The following UBAP1 variants were observed in gnomAD, a reference collection of about 807,000 sequenced individuals.
The protein encoded by UBAP1 is ubiquitin associated protein 1, also known as ubiquitin-associated protein 1.
In UBAP1, 5 loss-of-function variants were observed where a neutral mutation model predicts 39.0. The ratio of observed to expected loss-of-function variants is 0.13; its 90% CI spans 0.07 to 0.27. UBAP1 has a LOEUF of 0.27. Among genes scored for constraint, UBAP1 ranks in the 10% least tolerant of loss-of-function variants. UBAP1 has a pLI of 1.00. For missense variants in UBAP1, 490 were observed against 608.1 expected, an observed-to-expected ratio of 0.81 and a Z score of 2.04; for synonymous variants, 211 against 225.1, an observed-to-expected ratio of 0.94 and a Z score of 0.56.
At position 34,249,861 on chromosome 9, in the gene UBAP1, C is replaced by A; in HGVS notation, c.1166C>A (p.Ser389Tyr). The A allele has an allele frequency of 3.7e-6, 6 of 1,614,198 alleles. No homozygotes were observed. Among genetic ancestry groups the A allele is most frequent in the Non-Finnish European group, 5.1e-6 (6 of 1,180,034 alleles). ...GCCTATTCTGAACTGCAGATGCTGT[C>A]CCCCAGCGAGCGGCAGTGTGTGGAG... The part of the protein sequence containing the change: ...PQAYSELQML[S>Y]PSERQCVETV... Residue 389 changes from serine (S) to tyrosine (Y), a missense_variant, in exon 5 of 7, where the codon TCC becomes TAC. Ser to Tyr is a moderately radical substitution (Grantham distance 144). Around this residue, in one of 3 missense-constraint regions of UBAP1, gnomAD observed 339 missense variants for 390.0 expected, o/e 0.87. Coordinates refer to ENST00000297661, the MANE Select transcript of UBAP1 (RefSeq NM_016525.5).
At chr9:34,229,398 C>T (rs1001727671) in intron 2 of UBAP1, among the ~76,000 whole-genome samples, 15 of 151,854 alleles carry the variant, frequency 9.9e-5, no homozygotes, top group African/African-American at 3.4e-4. Flanking sequence ...GCTGGGATTA[C>T]AGGCACACAC....
chr9:34,234,300 T>A lies in UBAP1; in HGVS notation c.119T>A (p.Phe40Tyr). ...TPAKVGLPIG[F>Y]SLPDCLQVVR... is the part of the protein sequence containing the mutation. ...GCTAAAGTTGGTCTACCTATTGGCT[T>A]CTCCTTGCCTGATTGTTTGCAGGTT... Residue 40 changes from phenylalanine to tyrosine, a missense_variant, in exon 3 of 7, where the codon TTC becomes TAC. Physicochemically the swap from Phe to Tyr is conservative, Grantham distance 22. Coordinates refer to ENST00000297661, the MANE Select transcript of UBAP1 (RefSeq NM_016525.5). 1 of 1,611,380 alleles carries A rather than the reference T, an allele frequency of 6.2e-7. No individual in the cohort carries two copies. The highest frequency in any genetic ancestry group is 8.5e-7 in the Non-Finnish European group (1 of 1,179,512).
At chr9:34,250,286 A>G (rs1303899433) in intron 5 of UBAP1, among the ~76,000 whole-genome samples, 4 of 152,222 alleles carry the variant, frequency 2.6e-5, no homozygotes, top group Admixed American at 1.3e-4. Context: ...TCATCCTGTC[A>G]TCTATGCCCA....
intron 6 of UBAP1, among the ~76,000 whole-genome samples, chr9:34,251,146 A>G (rs978966650): frequency 4.6e-5 from 7 of 152,222 alleles, no homozygotes; most frequent in Non-Finnish European, 8.8e-5. Context: ...GACAGAGCTC[A>G]GCAACAGTGA....
intron 5 of UBAP1, among the ~76,000 whole-genome samples, 167 bp from the exon 6 acceptor site, chr9:34,250,491 G>A (rs1433503124): frequency 1.3e-5 from 2 of 152,118 alleles, no homozygotes; most frequent in African/African-American, 4.8e-5. Context: ...AGAGTCACTG[G>A]GGTCCTGTTG....
intron 1 of UBAP1, among the ~76,000 whole-genome samples, chr9:34,182,659 CTTTCTTTCTTTCTTTCTT>C (rs1563881144): frequency 1.3e-4 from 7 of 55,292 alleles, no homozygotes; most frequent in South Asian, 9.5e-4. Flanking sequence ...TTCTTTCTTT[CTTTCTTTCTTTCTTTCTT>C]TCTTTCTCTC....
At chr9:34,223,831 C>T (rs900465410) in intron 2 of UBAP1, among the ~76,000 whole-genome samples, 1 of 152,168 alleles carries the variant, frequency 6.6e-6, no homozygotes, top group African/African-American at 2.4e-5. Flanking sequence ...CCTTAGGCTG[C>T]TTCTCCTTTA....
intron 1 of UBAP1, among the ~76,000 whole-genome samples, chr9:34,202,624 C>CCTCTGTGTGTGTGTGTGTGT (rs1491103579): frequency 1.0e-4 from 11 of 107,362 alleles, no homozygotes; most frequent in East Asian, 3.1e-4. Context: ...TAGACAGAAA[C>CCTCTGTGTGTGTGTGTGTGT]GTGTGTGTGT....
intron 1 of UBAP1, among the ~76,000 whole-genome samples, chr9:34,184,895 T>C (rs550876243): frequency 6.6e-6 from 1 of 150,392 alleles, no homozygotes; most frequent in South Asian, 2.1e-4. Flanking sequence ...GTGCTGGGAT[T>C]ACAGGCGTGC....
intron 1 of UBAP1, among the ~76,000 whole-genome samples, chr9:34,184,681 G>A (rs1830288444): frequency 6.7e-6 from 1 of 148,938 alleles, no homozygotes; most frequent in Non-Finnish European, 1.5e-5. Flanking sequence ...GGAGTGCAGT[G>A]GCACAATCTC....
intron 1 of UBAP1, among the ~76,000 whole-genome samples, chr9:34,190,633 C>CA (rs1231865930): frequency 4.6e-5 from 6 of 129,492 alleles, no homozygotes; most frequent in African/African-American, 1.7e-4. Context: ...TTCTTTCTTT[C>CA]TTTTTTTTTT....
intron 1 of UBAP1, among the ~76,000 whole-genome samples, chr9:34,179,442 G>A (rs1357483633): frequency 6.6e-6 from 1 of 152,074 alleles, no homozygotes; most frequent in Non-Finnish European, 1.5e-5. Flanking sequence ...GACCGGAGTT[G>A]AAGGGGCGGA....
intron 1 of UBAP1, among the ~76,000 whole-genome samples, chr9:34,210,858 G>C (rs577837753): frequency 6.9e-4 from 103 of 150,074 alleles, no homozygotes; most frequent in Middle Eastern, 3.4e-3. Context: ...ACACATCGTT[G>C]CTGGTTTGAA....
At chr9:34,232,113 G>C (rs1833454511) in intron 2 of UBAP1, among the ~76,000 whole-genome samples, 1 of 152,106 alleles carries the variant, frequency 6.6e-6, no homozygotes, top group Admixed American at 6.6e-5. Context: ...TCCTGCTTCA[G>C]CCTCCCAAGT....
chr9:34,218,819 C>T (rs1417989395), intron 1 of UBAP1, among the ~76,000 whole-genome samples: 1 of 152,046 alleles, frequency 6.6e-6, no homozygotes, highest in East Asian at 1.9e-4. Flanking sequence ...TCCTGTAATC[C>T]CAGCTACTCA....
intron 2 of UBAP1, chr9:34,224,010 T>G: frequency 4.1e-6 from 2 of 486,118 alleles, no homozygotes; most frequent in Non-Finnish European, 7.5e-6. Flanking sequence ...ACCTTGATTT[T>G]CCTAAGATAG....
intron 1 of UBAP1, among the ~76,000 whole-genome samples, chr9:34,219,759 CCCTCTCCCCTCCCTTCT>C (rs1563905934): frequency 1.7e-5 from 1 of 59,614 alleles, no homozygotes; most frequent in Non-Finnish European, 3.6e-5. Flanking sequence ...CCCTCCCCTC[CCCTCTCCCCTCCCTTCT>C]CCTCTCCCCT....
At chr9:34,210,103 T>A (rs545387123) in intron 1 of UBAP1, among the ~76,000 whole-genome samples, 1 of 152,226 alleles carries the variant, frequency 6.6e-6, no homozygotes, top group Non-Finnish European at 1.5e-5. Flanking sequence ...TTATTCCAGC[T>A]GAATTAAAAG....
intron 1 of UBAP1, among the ~76,000 whole-genome samples, chr9:34,182,621 T>TTCTTTCTC (rs1487460509): frequency 4.5e-5 from 1 of 22,166 alleles, no homozygotes; most frequent in African/African-American, 1.8e-4. Context: ...CTTTCCTTCT[T>TTCTTTCTC]TCTTTCTTTC....
Sources: allele counts gnomAD v4.1 joint callset (sites outside exome capture counted in the v4.1 genomes callset), GRCh38; gene constraint gnomAD v4.1.1; regional missense constraint gnomAD v4.1.1; transcripts MANE v1.5; gene names NCBI Gene and HGNC (gene_info 2026-07-23, HGNC 2026-07-21).